The following SLC14A2 variants were observed in gnomAD, a reference collection of about 807,000 sequenced individuals.
SLC14A2 encodes the protein urea transporter 2.
SLC14A2 carries 91 observed loss-of-function variants against 104.6 expected under a neutral mutation model. That is an observed-to-expected ratio of 0.87 (90% CI 0.73 to 1.04). The LOEUF (loss-of-function observed/expected upper bound fraction) is 1.04. Ranked by LOEUF, SLC14A2 falls within the 50% of genes least tolerant of loss-of-function variation. The pLI is 0.00. For synonymous variants in SLC14A2, 476 were observed against 466.4 expected (o/e 1.02, Z -0.27); for missense variants, 1,189 against 1,156.0 (o/e 1.03, Z -0.41).
intron 1 of SLC14A2, among the ~76,000 whole-genome samples, chr18:45,247,385 G>A (rs931708523): frequency 6.6e-6 from 1 of 152,192 alleles, no homozygotes; most frequent in Non-Finnish European, 1.5e-5. Context: ...GGAGAGTAAT[G>A]GTGTGTGGCT....
chr18:45,529,675 C>G (rs1568261525), intron 2 of SLC14A2: 2 of 152,114 alleles, frequency 1.3e-5, no homozygotes, highest in African/African-American at 4.8e-5. Context: ...GTATCTCGGT[C>G]AGCAAGAGAA....
At chr18:45,232,488 A>T (rs974668926) in intron 1 of SLC14A2, among the ~76,000 whole-genome samples, 3 of 152,212 alleles carry the variant, frequency 2.0e-5, no homozygotes, top group Admixed American at 2.0e-4. Context: ...GGAAGAATCA[A>T]CTAGGTGAAA....
the SLC14A2 span, among the ~76,000 whole-genome samples, chr18:45,204,594 G>A: frequency 6.6e-6 from 1 of 152,094 alleles, no homozygotes; most frequent in Non-Finnish European, 1.5e-5. Flanking sequence ...TGCATGTATT[G>A]TAAATTCATT....
chr18:45,261,932 A>G (rs1319633146), intron 1 of SLC14A2, among the ~76,000 whole-genome samples: 1 of 152,154 alleles, frequency 6.6e-6, no homozygotes, highest in Non-Finnish European at 1.5e-5. Context: ...CAGTAATGGG[A>G]TGGCTGGGTC....
In SLC14A2 at chr18:45,583,874, G is replaced by A. The variant is rs182762145; in HGVS notation, c.-34-40757G>A. Among the ~76,000 whole-genome samples, 552 of 152,294 alleles carry A rather than the reference G, an allele frequency of 3.6e-3. 11 individuals carry two copies. Among genetic ancestry groups the A allele is most frequent in the Non-Finnish European group, 1.2e-3 (83 of 68,022 alleles). Reference sequence around the variant, plus strand: ...ACACACAAGTGGCTCTCATGAACTGGTATGAGCTGGCTCCAGTACACCATT... The same window carrying A: ...ACACACAAGTGGCTCTCATGAACTGATATGAGCTGGCTCCAGTACACCATT... On this transcript the variant is annotated intron_variant, in intron 2 of 20. Coordinates refer to the SLC14A2 transcript ENST00000586448.
In SLC14A2 at chr18:45,673,523, T is replaced by C. The variant is rs547113174; in HGVS notation, c.2378-160T>C. Among the ~76,000 whole-genome samples, 124 of 152,312 alleles carry C rather than the reference T, an allele frequency of 8.1e-4. 1 individual carries two copies. The highest frequency in any genetic ancestry group is 1.2e-4 in the Non-Finnish European group (8 of 68,024). On this transcript the variant is annotated intron_variant, in intron 17 of 19. Coordinates refer to ENST00000255226, the MANE Select transcript of SLC14A2 (RefSeq NM_007163.4). ...TGGGACTCTATGGCCATTTGTTTCC[T>C]TTAGATGTTTTTTCACAGAATAAAG...
intron 1 of SLC14A2, among the ~76,000 whole-genome samples, chr18:45,282,050 C>T (rs1251099491): frequency 6.6e-6 from 1 of 152,146 alleles, no homozygotes; most frequent in Non-Finnish European, 1.5e-5. Flanking sequence ...AATGCTGAGT[C>T]TTGGTGTAGC....
the SLC14A2 span, among the ~76,000 whole-genome samples, chr18:45,204,275 C>G: frequency 6.6e-6 from 1 of 152,212 alleles, no homozygotes; most frequent in East Asian, 1.9e-4. Flanking sequence ...ACAGCTCTAT[C>G]TGTTCACATG....
At chr18:45,581,534 A>G (rs527752475) in intron 2 of SLC14A2, among the ~76,000 whole-genome samples, 29 of 152,232 alleles carry the variant, frequency 1.9e-4, no homozygotes, top group African/African-American at 6.7e-4. Context: ...GCCAAAAACA[A>G]CACCAACATC....
At chr18:45,295,792 CTT>C (rs1380020083) in intron 1 of SLC14A2, among the ~76,000 whole-genome samples, 1 of 152,178 alleles carries the variant, frequency 6.6e-6, no homozygotes, top group African/African-American at 2.4e-5. Flanking sequence ...TAGATTTACA[CTT>C]TTCCTTTCTG....
chr18:45,537,960 A>G (rs967436820), intron 2 of SLC14A2, among the ~76,000 whole-genome samples: 1 of 152,242 alleles, frequency 6.6e-6, no homozygotes, highest in Non-Finnish European at 1.5e-5. Flanking sequence ...TGGTGTTTGT[A>G]GGAGTCATTT....
At chr18:45,680,651 C>T (rs187292270) in intron 19 of SLC14A2, among the ~76,000 whole-genome samples, 1 of 152,244 alleles carries the variant, frequency 6.6e-6, no homozygotes, top group Admixed American at 6.5e-5. Context: ...TGATAATAAC[C>T]ACATATTTAG....
intron 2 of SLC14A2, among the ~76,000 whole-genome samples, chr18:45,486,059 G>A (rs2087599332): frequency 6.6e-6 from 1 of 152,164 alleles, no homozygotes; most frequent in Non-Finnish European, 1.5e-5. Flanking sequence ...TCAAATCAGT[G>A]AGTAGACAGA....
intron 3 of SLC14A2, 65 bp downstream of exon 3, chr18:45,625,928 G>A (rs562886371): frequency 6.4e-6 from 8 of 1,250,076 alleles, no homozygotes; most frequent in African/African-American, 3.1e-5. Context: ...CCCTCTCTCC[G>A]GTTTGGTCCA....
chr18:45,524,349 TC>T (rs1248905187), intron 2 of SLC14A2, among the ~76,000 whole-genome samples: 1 of 152,180 alleles, frequency 6.6e-6, no homozygotes, highest in Non-Finnish European at 1.5e-5. Flanking sequence ...GCTTGTTCAA[TC>T]CCATTGCACT....
intron 1 of SLC14A2, among the ~76,000 whole-genome samples, chr18:45,249,369 A>G (rs1165476967): frequency 6.6e-6 from 1 of 151,114 alleles, no homozygotes; most frequent in Non-Finnish European, 1.5e-5. Context: ...TGTGCTGAAC[A>G]TGCGTTGAGC....
intron 1 of SLC14A2, among the ~76,000 whole-genome samples, chr18:45,469,877 T>C (rs1484018438): frequency 6.6e-6 from 1 of 152,156 alleles, no homozygotes; most frequent in Non-Finnish European, 1.5e-5. Context: ...ATAAAGGAAC[T>C]TGGACTTATG....
chr18:45,206,983 T>C, the SLC14A2 span, among the ~76,000 whole-genome samples: 2 of 152,220 alleles, frequency 1.3e-5, no homozygotes, highest in East Asian at 3.8e-4. Flanking sequence ...CAGTAGGACA[T>C]GGAATGCCTG....
Position 45,639,876 on chromosome 18 carries a change from T to C in SLC14A2, c.974T>C (p.Ile325Thr). The change falls in exon 7 of 20, where the codon ATC becomes ACC. Residue 325 changes from isoleucine to threonine, a missense_variant. Transcript: ENST00000255226. ...LICLHAAIGS[I>T]VGLLAALSVA... ...TGCTTGCATGCAGCCATTGGCTCAA[T>C]CGTGGGGCTGCTAGCAGGTAGGACA... The C allele has an allele frequency of 6.2e-7, 1 of 1,613,600 alleles. No homozygotes were observed.
Sources: allele counts gnomAD v4.1 joint callset (sites outside exome capture counted in the v4.1 genomes callset), GRCh38; gene constraint gnomAD v4.1.1; transcripts MANE v1.5; gene names NCBI Gene and HGNC (gene_info 2026-07-23, HGNC 2026-07-21).